The following ZBTB46 variants were observed in gnomAD, a reference collection of about 807,000 sequenced individuals.
ZBTB46 encodes the protein zinc finger and BTB domain containing 46, also known as zinc finger and BTB domain-containing protein 46.
ZBTB46 carries 8 observed loss-of-function variants against 44.1 expected under a neutral mutation model. That is an observed-to-expected ratio of 0.18 (90% CI 0.11 to 0.33). ZBTB46 has a LOEUF of 0.33. Ranked by LOEUF, ZBTB46 falls within the 10% of genes least tolerant of loss-of-function variation. ZBTB46 has a pLI of 1.00. For missense variants in ZBTB46, 651 were observed against 847.7 expected, an observed-to-expected ratio of 0.77 and a Z score of 2.88; for synonymous variants, 409 against 382.3, an observed-to-expected ratio of 1.07 and a Z score of -0.81.
At chr20:63,829,720 T>C (rs1274548860) in intron 1 of ZBTB46, among the ~76,000 whole-genome samples, 4 of 152,276 alleles carry the variant, frequency 2.6e-5, no homozygotes, top group Admixed American at 6.5e-5. Flanking sequence ...TCATTATTCA[T>C]GTGAAAAACC....
chr20:63,832,446 C>G (rs1298137194), upstream of ZBTB46, among the ~76,000 whole-genome samples: 1 of 152,198 alleles, frequency 6.6e-6, no homozygotes, highest in Admixed American at 6.5e-5. The surrounding 1 kb of genome is among the most constrained non-coding windows in gnomAD (Gnocchi z 5.0). Context: ...CCCAGCGCAG[C>G]GGATTCCTCG....
At position 63,747,041 on chromosome 20, in the gene ZBTB46, C is replaced by T; in HGVS notation, c.1659G>A (p.Glu553=). ...ACAGCGCATCCTCAGGGGCCAGGCC[C>T]TCGTCGTCCTCGCCCAGCTCCTCCG... is the stretch of plus-strand genomic sequence containing the variant. ...GEAEELGEDD[E]GLAPEDALLA... The change falls in exon 5 of 5, where the codon GAG becomes GAA. Residue 553 remains glutamate (E), a synonymous_variant. Transcript: ENST00000245663. 6.2e-7 allele frequency: 1 copy of T among 1,608,158 alleles called. No individual in the cohort carries two copies. The highest frequency in any genetic ancestry group is 8.5e-7 in the Non-Finnish European group (1 of 1,179,484).
rs2092665675 is a variant in ZBTB46, at chr20:63,803,968, G to C, written c.-33-13178C>G. Among the ~76,000 whole-genome samples the C allele has an allele frequency of 6.6e-6, 1 of 152,184 alleles. No homozygotes were observed. The highest frequency in any genetic ancestry group is 2.1e-4 in the South Asian group (1 of 4,834). ...GCCGCCCTGGCTTCTCAAAGCGCTGGGATGATAGGCGTGAGCCACTGCACC... is the reference window on the plus strand; with the variant it reads ...GCCGCCCTGGCTTCTCAAAGCGCTGCGATGATAGGCGTGAGCCACTGCACC... On this transcript the variant is annotated intron_variant, in intron 1 of 4. Transcript: ENST00000245663. This position sits in a 1 kb window ranked among gnomAD's most constrained non-coding sequence, Gnocchi z 4.0.
intron 3 of ZBTB46, among the ~76,000 whole-genome samples, chr20:63,774,662 C>T (rs1315121298): frequency 6.7e-6 from 1 of 149,602 alleles, no homozygotes; most frequent in African/African-American, 2.5e-5. Flanking sequence ...GACCAGAAGG[C>T]AGCTGGCTGG....
rs532209884 is a variant in ZBTB46 at position 63,781,284 on chromosome 20, T to C, written c.938-5322A>G. Among the ~76,000 whole-genome samples, 3 of 151,554 alleles carry C rather than the reference T, an allele frequency of 2.0e-5. No individual in the cohort carries two copies. The South Asian group carries it at 6.2e-4, about 32-fold the overall frequency. ...TCAGTAATAAAAGATGGGCAGAAGA[T>C]CTGAACAGACACTTCCCCAAGGAAG... On this transcript the variant is annotated intron_variant, in intron 2 of 4. Coordinates refer to ENST00000245663, the MANE Select transcript of ZBTB46 (RefSeq NM_001369741.1).
rs997623198 is a variant in ZBTB46, at chr20:63,803,238, C to G, written c.-33-12448G>C. The stretch of plus-strand genomic sequence containing the variant: ...AGGAACCAGGCACCTCCCCTCACAC[C>G]AAGGCGTTCATGGTTTACCTTCTTC... On this transcript the variant is annotated intron_variant, in intron 1 of 4. Transcript: ENST00000245663. The surrounding 1 kb of genome is among the most constrained non-coding windows in gnomAD (Gnocchi z 4.0). 20 of 927,934 alleles carry G rather than the reference C, an allele frequency of 2.2e-5. No individual in the cohort carries two copies. The highest frequency in any genetic ancestry group is 2.6e-5 in the Non-Finnish European group (20 of 777,782). 57.5% of individuals were successfully genotyped at this position (927,934 alleles called of 1,614,324 possible).
intron 3 of ZBTB46, among the ~76,000 whole-genome samples, chr20:63,764,971 T>C (rs960180786): frequency 2.6e-5 from 4 of 151,978 alleles, no homozygotes; most frequent in East Asian, 3.9e-4. Context: ...CAGGCTGGAG[T>C]GCAATGGCGC....
intron 1 of ZBTB46, among the ~76,000 whole-genome samples, chr20:63,812,395 G>A (rs1265038773): frequency 6.6e-6 from 1 of 152,126 alleles, no homozygotes; most frequent in Non-Finnish European, 1.5e-5. Context: ...TGTAATCCCA[G>A]CACTTTGGGA....
chr20:63,816,219 C>T, intron 1 of ZBTB46: 1 of 234,930 alleles, frequency 4.3e-6, no homozygotes, highest in East Asian at 1.4e-4. Flanking sequence ...AAGGGGGTGC[C>T]CAGAGGAGGG....
intron 1 of ZBTB46, among the ~76,000 whole-genome samples, chr20:63,804,401 A>G (rs1225368333): frequency 6.6e-6 from 1 of 152,078 alleles, no homozygotes; most frequent in Non-Finnish European, 1.5e-5. Context: ...CCTGCCATGA[A>G]TCACAACAGC....
At chr20:63,811,785 G>A (rs2092719087) in intron 1 of ZBTB46, among the ~76,000 whole-genome samples, 1 of 152,176 alleles carries the variant, frequency 6.6e-6, no homozygotes, top group South Asian at 2.1e-4. Context: ...CCATGGTGCA[G>A]GAACAAACCC....
At position 63,752,595 on chromosome 20, in the gene ZBTB46, T is replaced by C; in HGVS notation, c.1398+91A>G. Reference sequence around the variant, plus strand: ...TGTGCAGAGTGGACCCGGTGTGGGGTCCGGGGCGGTCTGCGCCCTCATCAG... The same window carrying C: ...TGTGCAGAGTGGACCCGGTGTGGGGCCCGGGGCGGTCTGCGCCCTCATCAG... On this transcript the variant is annotated intron_variant, in intron 4 of 4. Transcript: ENST00000245663. The surrounding 1 kb of genome is among the most constrained non-coding windows in gnomAD (Gnocchi z 5.6). 1 of 1,369,084 alleles carries C rather than the reference T, an allele frequency of 7.3e-7. No homozygotes were observed. The highest frequency in any genetic ancestry group is 9.5e-7 in the Non-Finnish European group (1 of 1,051,358). 84.8% of individuals were successfully genotyped at this position (1,369,084 alleles called of 1,614,324 possible). A position where few individuals can be genotyped will look rare whatever the true frequency, so the allele number is the denominator to read the frequency against.
At chr20:63,753,997 A>G (rs2092195890) in intron 3 of ZBTB46, among the ~76,000 whole-genome samples, 1 of 152,192 alleles carries the variant, frequency 6.6e-6, no homozygotes, top group Admixed American at 6.5e-5. Flanking sequence ...TGGGGGCTCC[A>G]GTGGACAGGC....
In ZBTB46 at chr20:63,747,038, G is replaced by T. The variant is rs902732834; in HGVS notation, c.1662C>A (p.Gly554=). Residue 554 remains glycine (G), a synonymous_variant, in exon 5 of 5, where the codon GGC becomes GGA. Transcript: ENST00000245663. ...CCAACAGCGCATCCTCAGGGGCCAG[G>T]CCCTCGTCGTCCTCGCCCAGCTCCT... ...EAEELGEDDE[G]LAPEDALLAD... is the part of the protein sequence containing the mutation. The T allele has an allele frequency of 6.2e-7, 1 of 1,608,216 alleles. No homozygotes were observed.
At chr20:63,765,818 TC>T (rs1365791885) in intron 3 of ZBTB46, among the ~76,000 whole-genome samples, 4 of 152,380 alleles carry the variant, frequency 2.6e-5, no homozygotes, top group Admixed American at 2.6e-4. Flanking sequence ...CTAAAAATGT[TC>T]TTAGAGCCCT....
upstream of ZBTB46, among the ~76,000 whole-genome samples, chr20:63,833,604 A>C (rs982812088): frequency 6.6e-6 from 1 of 152,154 alleles, no homozygotes; most frequent in African/African-American, 2.4e-5. Context: ...AAAGAAAAAA[A>C]AAGAAACGTG....
Position 63,767,013 on chromosome 20 carries a change from C to T in ZBTB46, c.1222+8665G>A, listed in dbSNP as rs939851968. Among the ~76,000 whole-genome samples, 2 of 152,212 alleles carry T rather than the reference C, an allele frequency of 1.3e-5. No individual in the cohort carries two copies. The highest frequency in any genetic ancestry group is 2.9e-5 in the Non-Finnish European group (2 of 68,034). On this transcript the variant is annotated intron_variant, in intron 3 of 4. Coordinates refer to ENST00000245663, the MANE Select transcript of ZBTB46 (RefSeq NM_001369741.1). This position sits in a 1 kb window ranked among gnomAD's most constrained non-coding sequence, Gnocchi z 5.0. ...CTGGGTCCCTGGAGCCCACCAAGTCCACAACCACCTGCTCTGAATAGAAAG... is the reference window on the plus strand; with the variant it reads ...CTGGGTCCCTGGAGCCCACCAAGTCTACAACCACCTGCTCTGAATAGAAAG...
chr20:63,777,881 C>G (rs760027261), intron 2 of ZBTB46, among the ~76,000 whole-genome samples: 2 of 152,158 alleles, frequency 1.3e-5, no homozygotes, highest in African/African-American at 4.8e-5. Context: ...GCGGACGAAG[C>G]CAGACACAGA....
chr20:63,795,336 G>A (rs2092593844), intron 1 of ZBTB46, among the ~76,000 whole-genome samples: 1 of 152,236 alleles, frequency 6.6e-6, no homozygotes, highest in South Asian at 2.1e-4. Flanking sequence ...GCATGGCTCT[G>A]CCTCAACCGC....
Sources: allele counts gnomAD v4.1 joint callset (sites outside exome capture counted in the v4.1 genomes callset), GRCh38; gene constraint gnomAD v4.1.1; non-coding constraint Gnocchi (gnomAD v3.1); transcripts MANE v1.5; gene names NCBI Gene and HGNC (gene_info 2026-07-23, HGNC 2026-07-21).